Variants in KIF1A observed in about 807,000 individuals in gnomAD.
KIF1A encodes the protein kinesin-like protein KIF1A.
KIF1A carries 46 observed loss-of-function variants against 227.3 expected under a neutral mutation model. The ratio of observed to expected loss-of-function variants is 0.20; its 90% CI spans 0.16 to 0.26. The LOEUF is 0.26. Among genes scored for constraint, KIF1A ranks in the 10% least tolerant of loss-of-function variants. The pLI, the probability that KIF1A is intolerant of heterozygous loss-of-function variation, is 1.00. For synonymous variants in KIF1A, 1,022 were observed against 1,012.8 expected (o/e 1.01, Z -0.17); for missense variants, 1,683 against 2,485.9 (o/e 0.68, Z 6.87).
chr2:240,746,583 C>G (rs1209891414), intron 29 of KIF1A, among the ~76,000 whole-genome samples: 3 of 152,356 alleles, frequency 2.0e-5, no homozygotes, highest in Non-Finnish European at 2.9e-5. Context: ...ATTGGGCAGA[C>G]AGACCACCCT....
At chr2:240,780,276 T>C (rs1172444606) in intron 10 of KIF1A, among the ~76,000 whole-genome samples, 3 of 151,742 alleles carry the variant, frequency 2.0e-5, no homozygotes, top group Non-Finnish European at 4.4e-5. Context: ...CTCACACGAT[T>C]CCCACGCGGC....
intron 10 of KIF1A, chr2:240,781,771 C>A: frequency 1.0e-6 from 1 of 979,630 alleles, no homozygotes; most frequent in Non-Finnish European, 1.2e-6. Context: ...CCCACAGGGG[C>A]CCTCAGCTTC....
intron 2 of KIF1A, among the ~76,000 whole-genome samples, chr2:240,796,024 G>C (rs556312188): frequency 6.6e-6 from 1 of 152,322 alleles, no homozygotes; most frequent in African/African-American, 2.4e-5. Context: ...GATGGAAGGG[G>C]ATTCACAGGG....
chr2:240,746,169 G>T lies in KIF1A; in HGVS notation c.3072C>A (p.Ser1024=). The T allele has an allele frequency of 6.4e-7, 1 of 1,562,846 alleles. No individual in the cohort carries two copies. The highest frequency in any genetic ancestry group is 2.4e-5 in the East Asian group (1 of 41,832). The part of the protein sequence containing the change: ...FDDQHFEKFQ[S]ESCPVVGMSR... ...ACATCCCCACCACGGGGCAAGACTC[G>T]GACTGGAACTGATCAGAGGGGGACC... Residue 1024 remains serine (S), a synonymous_variant, in exon 30 of 49, where the codon TCC becomes TCA. Coordinates refer to ENST00000498729, the MANE Select transcript of KIF1A (RefSeq NM_001244008.2).
At chr2:240,806,654 C>G (rs1316159622) in intron 1 of KIF1A, among the ~76,000 whole-genome samples, 1 of 152,170 alleles carries the variant, frequency 6.6e-6, no homozygotes, top group Non-Finnish European at 1.5e-5. Flanking sequence ...AGAAGTCAGA[C>G]TCTCTAAAAA....
chr2:240,772,509 G>C, intron 14 of KIF1A, 61 bp downstream of exon 14: 1 of 1,441,364 alleles, frequency 6.9e-7, no homozygotes, highest in South Asian at 1.2e-5. Flanking sequence ...TGCCACCCTA[G>C]GCCCTCATGC....
chr2:240,755,967 G>A (rs974707986), intron 27 of KIF1A, among the ~76,000 whole-genome samples: 6 of 152,084 alleles, frequency 3.9e-5, no homozygotes, highest in Non-Finnish European at 7.4e-5. Context: ...AGAGCATCTC[G>A]GAGGGAGAGT....
intron 24 of KIF1A, 24 bp downstream of exon 24, chr2:240,761,205 C>A: frequency 1.2e-6 from 2 of 1,600,296 alleles, no homozygotes; most frequent in Admixed American, 1.7e-5. Context: ...CAACAGGAAA[C>A]GGTACAGCCA....
chr2:240,812,957 G>GGGGATCCGCCTTCACCTCGGA (rs2058038786), intron 1 of KIF1A, among the ~76,000 whole-genome samples: 1 of 133,774 alleles, frequency 7.5e-6, no homozygotes, highest in African/African-American at 3.0e-5. Flanking sequence ...TTCACCTCAA[G>GGGGATCCGCCTTCACCTCGGA]GATCCACCTT....
At chr2:240,797,892 G>A (rs1219659332) in intron 1 of KIF1A, 80 bp from the exon 2 acceptor site, 2 of 610,782 alleles carry the variant, frequency 3.3e-6, no homozygotes, top group Admixed American at 2.7e-5. Context: ...TGAAGCCACA[G>A]GTCTTTTCCA....
Position 240,766,931 on chromosome 2 carries a change from G to A in KIF1A, c.1668C>T (p.Ser556=), listed in dbSNP as rs1197450041. Reference sequence around the variant, plus strand: ...TGGTGATACCTTCGCTGCCTCCCCTGGAGTCGCTCCGGAAGACGCAGTGCT... The same window carrying A: ...TGGTGATACCTTCGCTGCCTCCCCTAGAGTCGCTCCGGAAGACGCAGTGCT... ...KEEHCVFRSD[S]RGGSEAVVTL... Residue 556 remains serine (S), a synonymous_variant, in exon 19 of 49, where the codon TCC becomes TCT. Transcript: ENST00000498729. The surrounding 1 kb of genome is among the most constrained non-coding windows in gnomAD (Gnocchi z 5.0). 32 of 1,610,278 alleles carry A rather than the reference G, an allele frequency of 2.0e-5. No individual in the cohort carries two copies. The highest frequency in any genetic ancestry group is 2.6e-5 in the Non-Finnish European group (31 of 1,178,580).
chr2:240,813,042 T>TCACCTCGGG (rs1553642834), intron 1 of KIF1A, among the ~76,000 whole-genome samples: 1 of 150,066 alleles, frequency 6.7e-6, no homozygotes, highest in African/African-American at 2.4e-5. Context: ...AGGATCCACT[T>TCACCTCGGG]GCTCCCAGTT....
rs2050008561 is a variant in KIF1A at position 240,757,539 on chromosome 2, G to A, written c.2638C>T (p.Arg880Cys). 11 of 1,550,442 alleles carry A rather than the reference G, an allele frequency of 7.1e-6. No individual in the cohort carries two copies. Among genetic ancestry groups the A allele is most frequent in the African/African-American group, 4.1e-5 (3 of 73,006 alleles). The change falls in exon 27 of 49, where the codon CGC (arginine) becomes TGC (cysteine). Residue 880 changes from arginine to cysteine, a missense_variant. This residue lies in a region of KIF1A where 759 missense variants were observed against 1,020.2 expected (regional missense o/e 0.74). Coordinates refer to ENST00000498729, the MANE Select transcript of KIF1A (RefSeq NM_001244008.2). This position sits in a 1 kb window ranked among gnomAD's most constrained non-coding sequence, Gnocchi z 6.2. ...GGGGAGGGGGTGAGAGCAGCCATGC[G>A]CTCGCTCATGCATGTGTTGAGAAGA... ...YPLLNTCMSE[R>C]MAALTPSPTF...
intron 5 of KIF1A, 60 bp downstream of exon 5, chr2:240,787,191 G>T: frequency 7.3e-7 from 1 of 1,375,534 alleles, no homozygotes. Context: ...GAAAAGCACT[G>T]CCAGCCACAC....
intron 25 of KIF1A, among the ~76,000 whole-genome samples, chr2:240,760,022 A>G (rs1044787272): frequency 4.9e-5 from 6 of 123,018 alleles, no homozygotes; most frequent in African/African-American, 6.8e-5. Flanking sequence ...TCTCTTAAAG[A>G]AAAAAAAAAA....
rs116352370 is a variant in KIF1A at position 240,714,326 on chromosome 2, A to T, written c.*3038T>A. 0.045 allele frequency: 6,799 copies of T among 152,260 alleles called. 225 individuals are homozygous for T. The highest frequency in any genetic ancestry group is 0.071 in the Middle Eastern group (21 of 294). The allele number at this position is 152,260 out of a possible 1,614,324, so 9.4% of individuals were successfully genotyped here. A position where few individuals can be genotyped will look rare whatever the true frequency, so the allele number is the denominator to read the frequency against. ...CCCAGTGGGAGGCCTTGGACTTGGC[A>T]CCCCTAGGCACTGGCCGTGTCCCAT... On this transcript the variant is annotated 3_prime_UTR_variant, in exon 49 of 49. Transcript: ENST00000498729.
intron 47 of KIF1A, 71 bp downstream of exon 47, chr2:240,718,935 A>G: frequency 1.3e-5 from 16 of 1,274,050 alleles, no homozygotes; most frequent in South Asian, 2.5e-5. Flanking sequence ...GCAGGGCTGC[A>G]GAGGATGGTG....
intron 24 of KIF1A, 145 bp downstream of exon 24, chr2:240,761,084 C>T (rs1267418669): frequency 3.7e-6 from 4 of 1,072,708 alleles, no homozygotes; most frequent in East Asian, 2.4e-5. Context: ...GCCCACCCTT[C>T]TGGGGGGCCA....
chr2:240,777,754 G>A (rs947155254), intron 10 of KIF1A, among the ~76,000 whole-genome samples: 2 of 152,192 alleles, frequency 1.3e-5, no homozygotes, highest in African/African-American at 2.4e-5. Flanking sequence ...AAGCCGGGAG[G>A]GACCTCGGAT....
Sources: gnomAD v4.1 joint callset for allele counts (sites outside exome capture counted in the v4.1 genomes callset) on GRCh38, gnomAD v4.1.1 for gene constraint, gnomAD v4.1.1 regional missense constraint, Gnocchi (gnomAD v3.1) non-coding constraint, MANE v1.5 for transcripts, NCBI Gene and HGNC (gene_info 2026-07-23, HGNC 2026-07-21) for gene names.